CEMIP: variants seen among roughly 807,000 people sequenced by gnomAD.
The protein encoded by CEMIP is cell migration-inducing and hyaluronan-binding protein.
In CEMIP, 105 loss-of-function variants were observed where a neutral mutation model predicts 156.9. That is an observed-to-expected ratio of 0.67 (90% confidence interval 0.57 to 0.79). CEMIP has a LOEUF of 0.79. Ranked by LOEUF, CEMIP falls within the 30% of genes least tolerant of loss-of-function variation. The pLI, the probability that CEMIP is intolerant of heterozygous loss-of-function variation, is 0.00. For missense variants in CEMIP, 1,457 were observed against 1,769.4 expected, an observed-to-expected ratio of 0.82 and a Z score of 3.17; for synonymous variants, 676 against 668.4, an observed-to-expected ratio of 1.01 and a Z score of -0.17.
At chr15:80,941,722 T>C in intron 25 of CEMIP, 127 bp from the exon 26 acceptor site, 1 of 803,150 alleles carries the variant, frequency 1.2e-6, no homozygotes, top group Non-Finnish European at 2.1e-6. Context: ...GTAGACATGG[T>C]TCCATTCTAT....
intron 1 of CEMIP, among the ~76,000 whole-genome samples, chr15:80,840,338 C>T (rs751776606): frequency 2.0e-5 from 3 of 152,130 alleles, no homozygotes; most frequent in Non-Finnish European, 4.4e-5. Context: ...GACTCCACAC[C>T]CAGTTGGCTG....
chr15:80,814,428 C>A (rs1213638033), intron 1 of CEMIP, among the ~76,000 whole-genome samples: 1 of 152,222 alleles, frequency 6.6e-6, no homozygotes, highest in East Asian at 1.9e-4. Flanking sequence ...GCAGTTCTCT[C>A]TCTGCTCCAG....
chr15:80,847,687 A>C (rs1178020039), intron 1 of CEMIP, among the ~76,000 whole-genome samples: 1 of 152,226 alleles, frequency 6.6e-6, no homozygotes, highest in African/African-American at 2.4e-5. Context: ...CTACTGAGAA[A>C]ATAGATCCTC....
At chr15:80,806,244 T>A (rs138643490) in intron 1 of CEMIP, among the ~76,000 whole-genome samples, 3,374 of 152,324 alleles carry the variant, frequency 0.022, 65 homozygotes, top group Non-Finnish European at 0.032. Context: ...CTAGGTATTG[T>A]TTGACCTTGA....
chr15:80,846,611 A>T (rs1292400182), intron 1 of CEMIP, among the ~76,000 whole-genome samples: 3 of 152,270 alleles, frequency 2.0e-5, no homozygotes, highest in Non-Finnish European at 2.9e-5. Flanking sequence ...CTTGATGAGT[A>T]ACAGCAGCTT....
chr15:80,911,802 G>A (rs992585567), intron 14 of CEMIP, among the ~76,000 whole-genome samples: 5 of 152,378 alleles, frequency 3.3e-5, no homozygotes, highest in Admixed American at 6.5e-5. Flanking sequence ...AGGGGGAAGC[G>A]GCACAAGAAT....
chr15:80,942,036 C>T lies in CEMIP; in HGVS notation c.3595C>T (p.Leu1199Phe). The change falls in exon 26 of 30, where the codon CTC (leucine) becomes TTC (phenylalanine). Residue 1199 changes from leucine (L) to phenylalanine (F), a missense_variant. By Grantham distance (22) the Leu-to-Phe change is conservative. This residue lies in a region of CEMIP where 798 missense variants were observed against 980.1 expected (regional missense o/e 0.81). Coordinates refer to ENST00000394685, the MANE Select transcript of CEMIP (RefSeq NM_001293298.2). ...AVVDVPMPKK[L>F]FGSQLKTKDH... ...CGTAGACGTGCCGATGCCCAAGAAG[C>T]TCTTTGGTTCTCAGCTGGTGAGTGG... is the stretch of plus-strand genomic sequence containing the variant. The T allele has an allele frequency of 1.9e-6, 3 of 1,613,508 alleles. No homozygotes were observed. Among genetic ancestry groups the T allele is most frequent in the Non-Finnish European group, 2.5e-6 (3 of 1,179,758 alleles).
At chr15:80,819,940 A>T (rs569083974) in intron 1 of CEMIP, among the ~76,000 whole-genome samples, 11 of 152,326 alleles carry the variant, frequency 7.2e-5, no homozygotes, top group African/African-American at 2.6e-4. Context: ...GTCTGTCTGA[A>T]ACCCCTTGAC....
chr15:80,932,432 C>A lies in CEMIP; in HGVS notation c.2793+393C>A, dbSNP rs527348457. Among the ~76,000 whole-genome samples, 75 of 152,288 alleles carry A rather than the reference C, an allele frequency of 4.9e-4. No individual in the cohort carries two copies. Among genetic ancestry groups the A allele is most frequent in the African/African-American group, 1.8e-3 (74 of 41,564 alleles). Reference sequence around the variant, plus strand: ...CCACAGTTTCCAAGGGAAGTCTTAGCTGATGATGTTCTGTTTAATCTCTCC... The same window carrying A: ...CCACAGTTTCCAAGGGAAGTCTTAGATGATGATGTTCTGTTTAATCTCTCC... On this transcript the variant is annotated intron_variant, in intron 22 of 29. Coordinates refer to ENST00000394685, the MANE Select transcript of CEMIP (RefSeq NM_001293298.2). The surrounding 1 kb of genome is among the most constrained non-coding windows in gnomAD (Gnocchi z 4.5).
intron 28 of CEMIP, among the ~76,000 whole-genome samples, chr15:80,945,901 C>CTAT (rs1252821217): frequency 6.6e-6 from 1 of 152,250 alleles, no homozygotes; most frequent in Non-Finnish European, 1.5e-5. Flanking sequence ...AGGGGATAGA[C>CTAT]ACTCCTTATT....
chr15:80,893,194 T>TAAATAAATG (rs1555433377), intron 10 of CEMIP, among the ~76,000 whole-genome samples: 7 of 151,744 alleles, frequency 4.6e-5, no homozygotes, highest in East Asian at 1.9e-4. Context: ...AATAAATAAA[T>TAAATAAATG]AAATGAAATG....
intron 18 of CEMIP, 45 bp downstream of exon 18, chr15:80,924,751 C>G: frequency 6.8e-7 from 1 of 1,466,596 alleles, no homozygotes; most frequent in Non-Finnish European, 9.5e-7. Context: ...ACCTTGCAGT[C>G]CAGCTCCTGC....
At chr15:80,900,847 TC>T in intron 12 of CEMIP, 1 of 445,930 alleles carries the variant, frequency 2.2e-6, no homozygotes, top group South Asian at 1.6e-5. Context: ...CACAGCTATC[TC>T]TTAGGCTTCT....
At chr15:80,892,361 A>T (rs1899060362) in intron 10 of CEMIP, among the ~76,000 whole-genome samples, 1 of 152,218 alleles carries the variant, frequency 6.6e-6, no homozygotes, top group Non-Finnish European at 1.5e-5. Flanking sequence ...GAAAAAAATT[A>T]TAATAACAAA....
intron 14 of CEMIP, among the ~76,000 whole-genome samples, chr15:80,918,118 T>C (rs1364767647): frequency 6.6e-6 from 1 of 152,052 alleles, no homozygotes; most frequent in East Asian, 1.9e-4. Context: ...CTACCAAAAA[T>C]ACAAAAATTA....
intron 1 of CEMIP, among the ~76,000 whole-genome samples, chr15:80,871,325 G>A (rs1439893707): frequency 6.6e-6 from 1 of 152,196 alleles, no homozygotes; most frequent in Non-Finnish European, 1.5e-5. Flanking sequence ...AGCTGGCTCT[G>A]AGACATAGCA....
At chr15:80,881,484 A>T (rs1190371487) in intron 6 of CEMIP, among the ~76,000 whole-genome samples, 1 of 152,206 alleles carries the variant, frequency 6.6e-6, no homozygotes, top group Non-Finnish European at 1.5e-5. Context: ...ATTTGAGCTG[A>T]GAAATGAAGG....
At chr15:80,877,126 G>A (rs1366583852) in intron 3 of CEMIP, among the ~76,000 whole-genome samples, 2 of 152,136 alleles carry the variant, frequency 1.3e-5, no homozygotes, top group Admixed American at 1.3e-4. Flanking sequence ...AGAACACTAT[G>A]GAGAAAACCA....
chr15:80,881,787 T>C (rs1023085574), intron 6 of CEMIP, among the ~76,000 whole-genome samples: 13 of 152,046 alleles, frequency 8.6e-5, no homozygotes, highest in African/African-American at 2.9e-4. Context: ...TAGAGAATGG[T>C]TTTAATTGTG....
Sources: allele counts gnomAD v4.1 joint callset (sites outside exome capture counted in the v4.1 genomes callset), GRCh38; gene constraint gnomAD v4.1.1; regional missense constraint gnomAD v4.1.1; non-coding constraint Gnocchi (gnomAD v3.1); transcripts MANE v1.5; gene names NCBI Gene and HGNC (gene_info 2026-07-23, HGNC 2026-07-21).